SOX6: variants seen among roughly 807,000 people sequenced by gnomAD.
SOX6 encodes transcription factor SOX-6.
A neutral mutation model predicts 97.8 loss-of-function variants in SOX6; 11 were observed. The observed-to-expected ratio is 0.11, with a 90% CI of 0.07 to 0.19. The LOEUF is 0.19. SOX6 is among the 10% of genes least tolerant of loss of function. The probability of loss-of-function intolerance (pLI) is 1.00; values close to 1 mark genes in which losing one functional copy is unlikely to be tolerated. For synonymous variants in SOX6, 360 were observed against 371.4 expected (o/e 0.97, Z 0.35); for missense variants, 810 against 1,039.5 (o/e 0.78, Z 3.04).
chr11:16,598,266 G>A (rs1590001010), intron 4 of SOX6, among the ~76,000 whole-genome samples: 1 of 152,004 alleles, frequency 6.6e-6, no homozygotes, highest in Non-Finnish European at 1.5e-5. Flanking sequence ...ATATTGGGAG[G>A]AGAGGAGCTG....
intron 3 of SOX6, among the ~76,000 whole-genome samples, chr11:16,653,346 T>C (rs190154846): frequency 6.6e-6 from 1 of 152,178 alleles, no homozygotes; most frequent in East Asian, 1.9e-4. Context: ...TTTGCTATTG[T>C]AAAAATATGA....
chr11:16,268,614 G>T (rs1368491043), intron 3 of SOX6, among the ~76,000 whole-genome samples: 4 of 151,140 alleles, frequency 2.6e-5, no homozygotes, highest in Non-Finnish European at 4.5e-5. Context: ...ATTCACAATT[G>T]TAAGTCAGAT....
chr11:16,149,899 A>G (rs930953946), intron 6 of SOX6, among the ~76,000 whole-genome samples: 7 of 152,284 alleles, frequency 4.6e-5, no homozygotes, highest in South Asian at 2.1e-4. Flanking sequence ...ACCAGCAGAA[A>G]CCAGGATCTT....
At chr11:16,233,451 AAAT>A (rs1348444197) in intron 4 of SOX6, among the ~76,000 whole-genome samples, 1 of 152,186 alleles carries the variant, frequency 6.6e-6, no homozygotes, top group East Asian at 1.9e-4. Flanking sequence ...ACATGTCTAA[AAAT>A]AATAATATCA....
At chr11:16,024,893 G>A (rs1196215955) in intron 12 of SOX6, among the ~76,000 whole-genome samples, 1 of 151,928 alleles carries the variant, frequency 6.6e-6, no homozygotes, top group Non-Finnish European at 1.5e-5. Flanking sequence ...TCCAAAATAA[G>A]CGAGTTCTGT....
At chr11:16,393,085 C>T (rs80311577) in intron 1 of SOX6, among the ~76,000 whole-genome samples, 4,141 of 152,156 alleles carry the variant, frequency 0.027, 95 homozygotes, top group Non-Finnish European at 0.044. Context: ...CTGCCCGTGA[C>T]TCTGGTTCCC....
chr11:16,356,552 C>A (rs569745174), upstream of SOX6, among the ~76,000 whole-genome samples: 1 of 152,170 alleles, frequency 6.6e-6, no homozygotes, highest in African/African-American at 2.4e-5. Context: ...GTTATGAGCC[C>A]TTTGTGAGCA....
At chr11:16,667,886 A>G (rs1320534137) in intron 3 of SOX6, among the ~76,000 whole-genome samples, 1 of 152,232 alleles carries the variant, frequency 6.6e-6, no homozygotes, top group Non-Finnish European at 1.5e-5. Context: ...CAAATTTTCA[A>G]AAAATAGTAT....
At chr11:16,047,859 G>C (rs1408652810) in intron 11 of SOX6, among the ~76,000 whole-genome samples, 1 of 151,772 alleles carries the variant, frequency 6.6e-6, no homozygotes, top group Non-Finnish European at 1.5e-5. Context: ...AAATTCCCAA[G>C]CTATACATGG....
At chr11:16,360,947 G>C (rs1857198209), upstream of SOX6, among the ~76,000 whole-genome samples, 9 of 151,474 alleles carry the variant, frequency 5.9e-5, no homozygotes, top group South Asian at 1.9e-3. Flanking sequence ...AGCTTGAAGT[G>C]AGCCAAAATC....
intron 4 of SOX6, among the ~76,000 whole-genome samples, chr11:16,600,482 T>C (rs1304187851): frequency 6.6e-6 from 1 of 152,210 alleles, no homozygotes. Flanking sequence ...TGTTCCCTTT[T>C]TTAAGACTAC....
chr11:16,471,382 T>G (rs1468181437), intron 1 of SOX6, among the ~76,000 whole-genome samples: 1 of 152,154 alleles, frequency 6.6e-6, no homozygotes, highest in Non-Finnish European at 1.5e-5. Context: ...TCCAGTCAGT[T>G]CTCACACACT....
chr11:16,067,936 T>C (rs1848132112), intron 9 of SOX6, among the ~76,000 whole-genome samples: 1 of 152,212 alleles, frequency 6.6e-6, no homozygotes, highest in Non-Finnish European at 1.5e-5. Flanking sequence ...TCAGTGCTAC[T>C]GAAAGACATT....
chr11:16,224,522 A>G (rs1261889901), intron 4 of SOX6, among the ~76,000 whole-genome samples: 1 of 152,010 alleles, frequency 6.6e-6, no homozygotes, highest in Admixed American at 6.6e-5. Flanking sequence ...TGTGTCTCTA[A>G]CCCCAAGTGG....
At chr11:16,705,731 T>C (rs1395383697) in intron 3 of SOX6, among the ~76,000 whole-genome samples, 2 of 152,154 alleles carry the variant, frequency 1.3e-5, no homozygotes, top group Admixed American at 1.3e-4. Flanking sequence ...AGAAGCAAAG[T>C]TTTGTATTCT....
At chr11:16,141,165 A>G (rs1850126293) in intron 6 of SOX6, among the ~76,000 whole-genome samples, 1 of 152,200 alleles carries the variant, frequency 6.6e-6, no homozygotes, top group Non-Finnish European at 1.5e-5. Context: ...GAGTGGTGAA[A>G]TAGTAAAGGT....
intron 6 of SOX6, among the ~76,000 whole-genome samples, chr11:16,142,545 A>G (rs1022371639): frequency 6.6e-6 from 1 of 152,128 alleles, no homozygotes; most frequent in Non-Finnish European, 1.5e-5. Flanking sequence ...CAGATGATCA[A>G]ACTTCTCTGA....
intron 3 of SOX6, among the ~76,000 whole-genome samples, chr11:16,235,696 G>A (rs117050808): frequency 6.6e-6 from 1 of 151,968 alleles, no homozygotes; most frequent in African/African-American, 2.4e-5. Context: ...TCTCGTATCA[G>A]CACCTATCTC....
chr11:16,147,503 A>AT (rs1312699128), intron 6 of SOX6, among the ~76,000 whole-genome samples: 2 of 152,168 alleles, frequency 1.3e-5, no homozygotes, highest in Non-Finnish European at 2.9e-5. Context: ...AAGTATAATA[A>AT]TAAAAAAAAA....
Sources: allele counts gnomAD v4.1 joint callset (sites outside exome capture counted in the v4.1 genomes callset), GRCh38; gene constraint gnomAD v4.1.1; transcripts MANE v1.5; gene names NCBI Gene and HGNC (gene_info 2026-07-23, HGNC 2026-07-21).